Variants in TBC1D26 observed in about 807,000 individuals in gnomAD.
TBC1D26 encodes the protein TBC1 domain family, member 26.
Under a neutral mutation model 42.5 loss-of-function variants are expected in TBC1D26, and 19 were observed. That is an observed-to-expected ratio of 0.45 (90% CI 0.31 to 0.66). The LOEUF is 0.66. TBC1D26 is among the 30% of genes least tolerant of loss of function. The pLI is 0.06. For synonymous variants in TBC1D26, 97 were observed against 123.5 expected, an observed-to-expected ratio of 0.79 and a Z score of 1.42; for missense variants, 228 against 332.6, an observed-to-expected ratio of 0.69 and a Z score of 2.45.
intron 14 of TBC1D26, 109 bp downstream of exon 14, chr17:15,743,625 T>C: frequency 4.5e-6 from 1 of 224,384 alleles, no homozygotes; most frequent in South Asian, 1.6e-4. Flanking sequence ...CTGCACCTCT[T>C]CTTCCTCCTC....
At chr17:15,736,857 G>A (rs903377912) in intron 4 of TBC1D26, among the ~76,000 whole-genome samples, 1 of 152,292 alleles carries the variant, frequency 6.6e-6, no homozygotes. Flanking sequence ...AAAGGACAAG[G>A]GTCACAGAAG....
In TBC1D26 at chr17:15,741,117, T is replaced by TG. The variant is rs1567724838; in HGVS notation, c.547-4dup. ...ATCTTTCCACGGTGACTCTGGCTCT[T>TG]GCAGGAGGTGGGCTACCACAGGGAC... On this transcript the variant is annotated splice_region_variant and splice_polypyrimidine_tract_variant and intron_variant, in intron 9 of 14. Transcript: ENST00000437605. The TG allele has an allele frequency of 6.2e-7, 1 of 1,609,344 alleles. No homozygotes were observed. Among genetic ancestry groups the TG allele is most frequent in the Admixed American group, 1.7e-5 (1 of 60,000 alleles).
Position 15,742,048 on chromosome 17 carries a change from A to T in TBC1D26, c.741+12A>T. The T allele has an allele frequency of 6.2e-7, 1 of 1,612,130 alleles. No homozygotes were observed. On this transcript the variant is annotated intron_variant, in intron 11 of 14. Transcript: ENST00000437605. ...TCATGAGACACCTGGTGAGTGGATG[A>T]CACCCTCAGCTCCTAACCAGACGCC...
At chr17:15,736,510 G>A (rs1378480155) in intron 4 of TBC1D26, 1 of 151,762 alleles carries the variant, frequency 6.6e-6, no homozygotes, top group Non-Finnish European at 1.5e-5. Flanking sequence ...GGCTCTGCAT[G>A]GCCCTCCAGA....
intron 8 of TBC1D26, among the ~76,000 whole-genome samples, chr17:15,739,423 C>A (rs1390400948): frequency 2.0e-5 from 3 of 152,298 alleles, no homozygotes; most frequent in Non-Finnish European, 4.4e-5. Flanking sequence ...AACTCACACC[C>A]GGAGGCTACG....
intron 7 of TBC1D26, 65 bp downstream of exon 7, chr17:15,738,452 C>A: frequency 6.3e-7 from 1 of 1,575,564 alleles, no homozygotes. Flanking sequence ...GCCCAGGACT[C>A]CAGCTGGAGG....
At chr17:15,737,678 A>T (rs1224213322) in intron 5 of TBC1D26, 155 bp downstream of exon 5, 13 of 1,129,448 alleles carry the variant, frequency 1.2e-5, no homozygotes, top group Non-Finnish European at 1.6e-5. Flanking sequence ...CTCTGTTCCC[A>T]TGAGGACTTG....
chr17:15,741,205 T>TA lies in TBC1D26; in HGVS notation c.631dup (p.Thr211AsnfsTer45), dbSNP rs779386770. On this transcript the variant is annotated frameshift_variant, in exon 10 of 15. Transcript: ENST00000437605. LOFTEE classifies it high-confidence loss of function. ...CAGAGGAAGATGCTTTCTGGGCGCT[T>TA]ACCCAGTTGCTCGCTGGTGAGAGGC... The TA allele has an allele frequency of 5.0e-6, 8 of 1,613,676 alleles. No homozygotes were observed. Among genetic ancestry groups the TA allele is most frequent in the East Asian group, 2.2e-5 (1 of 44,868 alleles).
Position 15,741,970 on chromosome 17 carries a change from C to T in TBC1D26, c.675C>T (p.Leu225=), listed in dbSNP as rs200550508. The change falls in exon 11 of 15, where the codon CTC becomes CTT. Residue 225 remains leucine, a synonymous_variant. Transcript: ENST00000437605. The part of the protein sequence containing the change: ...AVFYSPNTAW[L]ERLLSHQEQV... ...TCTACAGCCCAAATACTGCCTGGCT[C>T]GAGAGGCTCCTATCGCACCAGGAGC... 1.0e-4 allele frequency: 162 copies of T among 1,614,054 alleles called. No homozygotes were observed. The highest frequency in any genetic ancestry group is 1.3e-4 in the Non-Finnish European group (149 of 1,180,002).
chr17:15,740,303 G>A (rs1967744111), intron 9 of TBC1D26, 155 bp downstream of exon 9: 1 of 1,590,650 alleles, frequency 6.3e-7, no homozygotes, highest in South Asian at 1.2e-5. Context: ...GAAAAGGGCT[G>A]AAGCCCAGAC....
chr17:15,741,844 C>T (rs1380753622), intron 10 of TBC1D26, 98 bp from the exon 11 acceptor site: 14 of 1,181,364 alleles, frequency 1.2e-5, no homozygotes, highest in Admixed American at 2.1e-5. Context: ...AGGGAGGCCT[C>T]GGGGTCTGGG....
chr17:15,735,503 C>T, intron 3 of TBC1D26, 80 bp downstream of exon 3: 3 of 1,427,790 alleles, frequency 2.1e-6, no homozygotes, highest in Non-Finnish European at 2.9e-6. Flanking sequence ...CCTGGGCTTC[C>T]TAAGATCACA....
intron 10 of TBC1D26, 151 bp from the exon 11 acceptor site, chr17:15,741,791 C>G: frequency 1.4e-6 from 1 of 699,686 alleles, no homozygotes; most frequent in Non-Finnish European, 2.4e-6. Context: ...GGGACCTCCT[C>G]CCCAGGGCTG....
intron 9 of TBC1D26, chr17:15,740,559 C>T (rs1967750237): frequency 1.7e-6 from 2 of 1,158,450 alleles, no homozygotes; most frequent in Non-Finnish European, 2.1e-6. Context: ...TTTGCCTGAA[C>T]CCCATAGGAG....
At position 15,740,744 on chromosome 17, in the gene TBC1D26, G is replaced by A. The variant is rs73978525; in HGVS notation, c.547-378G>A. The stretch of plus-strand genomic sequence containing the variant: ...CTTGGGCTGTTGCAGGACCTTTTGT[G>A]TGGTGGTCAGCGCCCCGCTGCCTGC... On this transcript the variant is annotated intron_variant, in intron 9 of 14. Transcript: ENST00000437605. 1,677 of 1,073,182 alleles carry A rather than the reference G, an allele frequency of 1.6e-3. 28 individuals are homozygous for A. In the African/African-American group the frequency reaches 0.026, roughly 17 times the overall value. The allele number at this position is 1,073,182 out of a possible 1,614,324, so 66.5% of individuals were successfully genotyped here.
At chr17:15,737,267 C>CA (rs1967640806) in intron 4 of TBC1D26, among the ~76,000 whole-genome samples, 1 of 152,240 alleles carries the variant, frequency 6.6e-6, no homozygotes, top group African/African-American at 2.4e-5. Flanking sequence ...GTGTCCCCCC[C>CA]ACCCAGGGCC....
intron 10 of TBC1D26, chr17:15,741,486 G>A (rs1967778855): frequency 5.5e-6 from 3 of 546,672 alleles, no homozygotes; most frequent in East Asian, 3.4e-5. Context: ...GCCCTCTGTC[G>A]TCCGAAGCCA....
At chr17:15,740,826 C>T (rs1597757356) in intron 9 of TBC1D26, 1 of 641,228 alleles carries the variant, frequency 1.6e-6, no homozygotes, top group Non-Finnish European at 2.3e-6. Flanking sequence ...GTGGCCTCCC[C>T]AGCCTGGCCC....
At chr17:15,738,554 C>T in intron 7 of TBC1D26, 167 bp downstream of exon 7, 1 of 1,352,136 alleles carries the variant, frequency 7.4e-7, no homozygotes, top group Non-Finnish European at 1.0e-6. Flanking sequence ...GCGCTGGGCT[C>T]TGCTGACCCT....
Sources: allele counts gnomAD v4.1 joint callset (sites outside exome capture counted in the v4.1 genomes callset), GRCh38; gene constraint gnomAD v4.1.1; transcripts MANE v1.5; gene names NCBI Gene and HGNC (gene_info 2026-07-23, HGNC 2026-07-21).